The following PIK3C2G variants were observed in gnomAD, a reference collection of about 807,000 sequenced individuals.
The protein encoded by PIK3C2G is phosphatidylinositol 3-kinase C2 domain-containing subunit gamma.
A neutral mutation model predicts 181.1 loss-of-function variants in PIK3C2G; 168 were observed. The observed-to-expected ratio is 0.93, with a 90% CI of 0.82 to 1.05. The LOEUF is 1.05. PIK3C2G is among the 50% of genes least tolerant of loss of function. PIK3C2G has a pLI of 0.00. For synonymous variants in PIK3C2G, 573 were observed against 592.2 expected, an observed-to-expected ratio of 0.97 and a Z score of 0.47; for missense variants, 1,869 against 1,732.8, an observed-to-expected ratio of 1.08 and a Z score of -1.40.
At chr12:18,292,723 T>G (rs1351563730) in intron 4 of PIK3C2G, among the ~76,000 whole-genome samples, 2 of 152,010 alleles carry the variant, frequency 1.3e-5, no homozygotes, top group Admixed American at 1.3e-4. Context: ...AAGGAAAAGG[T>G]GGAGAGAGAG....
At chr12:18,650,347 A>ATATGTGTG (rs1349566559), downstream of PIK3C2G, among the ~76,000 whole-genome samples, 2 of 114,542 alleles carry the variant, frequency 1.7e-5, no homozygotes, top group African/African-American at 3.3e-5. Flanking sequence ...ATATATATAT[A>ATATGTGTG]TGTGTGTGTG....
At chr12:18,541,993 T>C (rs1054565341) in intron 25 of PIK3C2G, among the ~76,000 whole-genome samples, 1 of 151,866 alleles carries the variant, frequency 6.6e-6, no homozygotes, top group African/African-American at 2.4e-5. Flanking sequence ...TGAAGCAGTC[T>C]GTACTTGGCA....
intron 10 of PIK3C2G, 105 bp downstream of exon 10, chr12:18,343,465 C>A (rs1002883129): frequency 3.6e-6 from 2 of 553,974 alleles, no homozygotes; most frequent in Non-Finnish European, 6.5e-6. Context: ...TGGTAACACA[C>A]AACACACACA....
intron 25 of PIK3C2G, among the ~76,000 whole-genome samples, chr12:18,542,215 G>A (rs1163347181): frequency 6.6e-6 from 1 of 151,794 alleles, no homozygotes; most frequent in African/African-American, 2.4e-5. Flanking sequence ...GAAGAAATCT[G>A]CCTCAATGAG....
At chr12:18,536,550 C>T (rs958034095) in intron 24 of PIK3C2G, among the ~76,000 whole-genome samples, 4 of 152,074 alleles carry the variant, frequency 2.6e-5, no homozygotes, top group Non-Finnish European at 5.9e-5. Context: ...AAGCCTCTCT[C>T]TAATGTGAGC....
chr12:18,479,797 G>A (rs921948082), intron 18 of PIK3C2G, among the ~76,000 whole-genome samples: 2 of 152,184 alleles, frequency 1.3e-5, no homozygotes, highest in Non-Finnish European at 2.9e-5. Context: ...GGAGCCCTGA[G>A]TTGTTGTCCA....
intron 5 of PIK3C2G, among the ~76,000 whole-genome samples, chr12:18,296,154 A>C (rs1027200482): frequency 1.3e-5 from 2 of 152,174 alleles, no homozygotes; most frequent in African/African-American, 4.8e-5. Context: ...ATATTAGTTA[A>C]GACCCTATAT....
At chr12:18,688,230 TATATGA>T in the PIK3C2G span, 2 of 1,596,470 alleles carry the variant, frequency 1.3e-6, no homozygotes, top group Non-Finnish European at 1.7e-6. Context: ...TGCACAAATA[TATATGA>T]ATATAAGAAT....
the PIK3C2G span, chr12:18,696,083 A>G: frequency 1.1e-6 from 1 of 897,070 alleles, no homozygotes; most frequent in East Asian, 2.9e-5. Context: ...CGAGTTTTTC[A>G]TACATTCATA....
chr12:18,462,419 T>C (rs1234186184), intron 18 of PIK3C2G, among the ~76,000 whole-genome samples: 1 of 152,138 alleles, frequency 6.6e-6, no homozygotes, highest in Non-Finnish European at 1.5e-5. Flanking sequence ...CCCTTAAGGG[T>C]ATTACATGCA....
the PIK3C2G span, chr12:18,723,605 A>G: frequency 8.1e-7 from 1 of 1,232,280 alleles, no homozygotes; most frequent in Non-Finnish European, 1.2e-6. Flanking sequence ...AATGAATATT[A>G]GAGTATTTAT....
At chr12:18,358,260 C>T (rs146778933) in intron 11 of PIK3C2G, among the ~76,000 whole-genome samples, 39 of 152,310 alleles carry the variant, frequency 2.6e-4, no homozygotes, top group African/African-American at 9.1e-4. Context: ...TTCTGCTTAC[C>T]GGAAGTAGTC....
At chr12:18,665,570 A>G in the PIK3C2G span, among the ~76,000 whole-genome samples, 1 of 152,168 alleles carries the variant, frequency 6.6e-6, no homozygotes, top group African/African-American at 2.4e-5. Context: ...AGGCAGGCAG[A>G]TCACCTGAGG....
intron 11 of PIK3C2G, among the ~76,000 whole-genome samples, chr12:18,356,710 C>T (rs1940769109): frequency 6.6e-6 from 1 of 152,008 alleles, no homozygotes; most frequent in Non-Finnish European, 1.5e-5. Flanking sequence ...GTGGTCTTTT[C>T]CTGGAGTTCG....
chr12:18,323,584 T>C (rs1951203337), intron 7 of PIK3C2G, among the ~76,000 whole-genome samples: 1 of 152,024 alleles, frequency 6.6e-6, no homozygotes, highest in African/African-American at 2.4e-5. Flanking sequence ...GGGGATACAA[T>C]GCTTCCCTGC....
chr12:18,580,614 G>A (rs1467871320), intron 29 of PIK3C2G, among the ~76,000 whole-genome samples: 2 of 152,090 alleles, frequency 1.3e-5, no homozygotes, highest in Non-Finnish European at 2.9e-5. Flanking sequence ...CTAAAATGTT[G>A]ATGACATTTT....
intron 6 of PIK3C2G, among the ~76,000 whole-genome samples, chr12:18,318,087 T>C (rs777232569): frequency 2.0e-5 from 3 of 152,216 alleles, no homozygotes; most frequent in Non-Finnish European, 2.9e-5. Context: ...GTTGGAAATA[T>C]TGAGAGAGAT....
intron 8 of PIK3C2G, among the ~76,000 whole-genome samples, chr12:18,333,589 C>G (rs1398775925): frequency 2.6e-5 from 4 of 152,090 alleles, no homozygotes; most frequent in Admixed American, 6.6e-5. Context: ...TGGTTTCCAG[C>G]TTCATCCATG....
intron 31 of PIK3C2G, among the ~76,000 whole-genome samples, chr12:18,622,310 C>T (rs527808600): frequency 1.3e-5 from 2 of 151,820 alleles, no homozygotes; most frequent in African/African-American, 4.8e-5. Context: ...CATGCAGTAT[C>T]TGTCTTCCTG....
Sources: gnomAD v4.1 joint callset for allele counts (sites outside exome capture counted in the v4.1 genomes callset) on GRCh38, gnomAD v4.1.1 for gene constraint, MANE v1.5 for transcripts, NCBI Gene and HGNC (gene_info 2026-07-23, HGNC 2026-07-21) for gene names.